The following COL14A1 variants were observed in gnomAD, a reference collection of about 807,000 sequenced individuals.
The protein encoded by COL14A1 is collagen type XIV alpha 1 chain.
In COL14A1, 136 loss-of-function variants were observed where a neutral mutation model predicts 230.3. That is an observed-to-expected ratio of 0.59 (90% confidence interval 0.51 to 0.68). COL14A1 has a LOEUF of 0.68. Among genes scored for constraint, COL14A1 ranks in the 30% least tolerant of loss-of-function variants. The probability of loss-of-function intolerance (pLI) is 0.00; values close to 1 mark genes in which losing one functional copy is unlikely to be tolerated. For missense variants in COL14A1, 1,976 were observed against 2,215.8 expected, an observed-to-expected ratio of 0.89 and a Z score of 2.17; for synonymous variants, 792 against 784.1, an observed-to-expected ratio of 1.01 and a Z score of -0.17.
intron 21 of COL14A1, among the ~76,000 whole-genome samples, chr8:120,249,398 A>G (rs4634688): frequency 0.093 from 14,078 of 152,168 alleles, 1,269 homozygotes; most frequent in East Asian, 0.4. Flanking sequence ...AGACTAGAAC[A>G]TGGGTGCACT....
At chr8:120,370,349 C>T (rs760625232) in intron 47 of COL14A1, 20 of 1,612,212 alleles carry the variant, frequency 1.2e-5, no homozygotes, top group Admixed American at 1.7e-5. Flanking sequence ...TGATCCCCTA[C>T]AATGATTACC....
At chr8:120,237,973 C>G (rs1325819127) in intron 19 of COL14A1, among the ~76,000 whole-genome samples, 1 of 152,108 alleles carries the variant, frequency 6.6e-6, no homozygotes, top group Non-Finnish European at 1.5e-5. Flanking sequence ...GCTGCCTGCT[C>G]CTTCCTCTGG....
chr8:120,357,303 A>G (rs1031576), intron 45 of COL14A1, among the ~76,000 whole-genome samples: 74,273 of 151,874 alleles, frequency 0.49, 19,267 homozygotes, highest in African/African-American at 0.69. Context: ...AGGAGTCTCC[A>G]GCCCTGGCTG....
At chr8:120,175,454 T>A (rs935132462) in intron 5 of COL14A1, among the ~76,000 whole-genome samples, 1 of 152,142 alleles carries the variant, frequency 6.6e-6, no homozygotes, top group Non-Finnish European at 1.5e-5. Flanking sequence ...TTTTAATGGA[T>A]TTTTTAAAAT....
chr8:120,315,718 C>A, intron 39 of COL14A1, 132 bp downstream of exon 39: 1 of 823,098 alleles, frequency 1.2e-6, no homozygotes, highest in Non-Finnish European at 2.0e-6. Flanking sequence ...CCTGTATTCA[C>A]TTACCCTAAG....
At chr8:120,230,462 A>C (rs11991690) in intron 18 of COL14A1, among the ~76,000 whole-genome samples, 1 of 151,922 alleles carries the variant, frequency 6.6e-6, no homozygotes, top group East Asian at 1.9e-4. Context: ...TTTGTGCTTT[A>C]AAGTCTTTTT....
At chr8:120,356,570 C>T (rs1338297169) in intron 45 of COL14A1, among the ~76,000 whole-genome samples, 1 of 152,096 alleles carries the variant, frequency 6.6e-6, no homozygotes, top group African/African-American at 2.4e-5. Context: ...TTTCATGGCA[C>T]CTTACTGTTA....
intron 5 of COL14A1, among the ~76,000 whole-genome samples, chr8:120,177,699 TA>T (rs995183963): frequency 5.6e-5 from 8 of 143,742 alleles, no homozygotes; most frequent in Non-Finnish European, 1.5e-5. Context: ...AAAGACTATA[TA>T]TATATATATA....
intron 22 of COL14A1, 132 bp from the exon 23 acceptor site, chr8:120,255,108 T>G: frequency 1.4e-6 from 1 of 721,418 alleles, no homozygotes; most frequent in Non-Finnish European, 2.5e-6. Context: ...ACTAACTCAT[T>G]GTAAATTGAT....
intron 19 of COL14A1, 153 bp downstream of exon 19, chr8:120,231,771 A>G: frequency 1.3e-6 from 1 of 772,798 alleles, no homozygotes; most frequent in Non-Finnish European, 1.9e-6. Flanking sequence ...TGACTCCACT[A>G]CTGGCTTCTT....
At chr8:120,283,872 C>A in intron 32 of COL14A1, 94 bp downstream of exon 32, 1 of 963,192 alleles carries the variant, frequency 1.0e-6, no homozygotes, top group South Asian at 1.8e-5. Flanking sequence ...TACAGAGTAA[C>A]TCACTAATCT....
chr8:120,354,676 C>T (rs1802893739), intron 45 of COL14A1, among the ~76,000 whole-genome samples: 1 of 152,154 alleles, frequency 6.6e-6, no homozygotes, highest in Non-Finnish European at 1.5e-5. Context: ...CAGTTTTTAG[C>T]TATCCTCTTA....
At position 120,297,581 on chromosome 8, in the gene COL14A1, C is replaced by T; in HGVS notation, c.4307C>T (p.Pro1436Leu). The T allele has an allele frequency of 7.2e-7, 1 of 1,395,366 alleles. No homozygotes were observed. The highest frequency in any genetic ancestry group is 2.1e-5 in the South Asian group (1 of 46,684). 86.4% of individuals were successfully genotyped at this position (1,395,366 alleles called of 1,614,324 possible). A position where few individuals can be genotyped will look rare whatever the true frequency, so the allele number is the denominator to read the frequency against. Residue 1436 changes from proline to leucine, a missense_variant, in exon 35 of 48, where the codon CCA (proline) becomes CTA (leucine). Transcript: ENST00000297848. ...WANTDKCCEL[P>L]GLRDDESCPD... ...AATACAGACAAATGCTGTGAACTTCCAGGCCTGGTAAGAATTCTTCCTTCA... is the reference window on the plus strand; with the variant it reads ...AATACAGACAAATGCTGTGAACTTCTAGGCCTGGTAAGAATTCTTCCTTCA...
chr8:120,289,776 T>A lies in COL14A1; in HGVS notation c.4236+10T>A. ...TGGAAACTCTGCACCGGTAAGTGAA[T>A]AAACCCGTGAAGCTGTGTTATTGTT... is the stretch of plus-strand genomic sequence containing the variant. On this transcript the variant is annotated intron_variant, in intron 34 of 47. Transcript: ENST00000297848. 6.2e-7 allele frequency: 1 copy of A among 1,609,876 alleles called. No individual in the cohort carries two copies. Among genetic ancestry groups the A allele is most frequent in the South Asian group, 1.1e-5 (1 of 90,300 alleles).
At chr8:120,307,435 A>G (rs957153622) in intron 36 of COL14A1, among the ~76,000 whole-genome samples, 1 of 152,234 alleles carries the variant, frequency 6.6e-6, no homozygotes, top group African/African-American at 2.4e-5. Flanking sequence ...AAAAATATAT[A>G]TAACATCTAA....
At chr8:120,216,793 T>C (rs1400181310) in intron 14 of COL14A1, among the ~76,000 whole-genome samples, 2 of 152,198 alleles carry the variant, frequency 1.3e-5, no homozygotes, top group Non-Finnish European at 2.9e-5. Flanking sequence ...GTAGCAGGTC[T>C]CCATATCTCT....
chr8:120,364,886 TAA>T (rs879719202), intron 45 of COL14A1, among the ~76,000 whole-genome samples: 2 of 143,080 alleles, frequency 1.4e-5, no homozygotes, highest in Admixed American at 1.4e-4. Context: ...GACTCTGTCT[TAA>T]AAAAAAAAAG....
chr8:120,216,958 C>T (rs1586774880), intron 14 of COL14A1, among the ~76,000 whole-genome samples: 1 of 152,210 alleles, frequency 6.6e-6, no homozygotes, highest in Non-Finnish European at 1.5e-5. Context: ...ACCTCTATCA[C>T]ACTCCATTAG....
At chr8:120,309,518 G>A (rs1408537975) in intron 36 of COL14A1, among the ~76,000 whole-genome samples, 2 of 152,052 alleles carry the variant, frequency 1.3e-5, no homozygotes, top group Non-Finnish European at 2.9e-5. Flanking sequence ...TATGGCAAAA[G>A]TTTTGAGGGG....
Sources: gnomAD v4.1 joint callset for allele counts (sites outside exome capture counted in the v4.1 genomes callset) on GRCh38, gnomAD v4.1.1 for gene constraint, MANE v1.5 for transcripts, NCBI Gene and HGNC (gene_info 2026-07-23, HGNC 2026-07-21) for gene names.